The following NOXRED1 variants were observed in gnomAD, a reference collection of about 807,000 sequenced individuals.
NOXRED1 encodes NADP-dependent oxidoreductase domain-containing protein 1.
Under a neutral mutation model 30.4 loss-of-function variants are expected in NOXRED1, and 20 were observed. The ratio of observed to expected loss-of-function variants is 0.66; its 90% confidence interval spans 0.46 to 0.96. NOXRED1 has a LOEUF of 0.96. Among genes scored for constraint, NOXRED1 ranks in the 40% least tolerant of loss-of-function variants. The pLI is 0.00. For synonymous variants in NOXRED1, 155 were observed against 168.0 expected (o/e 0.92, Z 0.60); for missense variants, 374 against 428.0 (o/e 0.87, Z 1.11).
intron 2 of NOXRED1, among the ~76,000 whole-genome samples, chr14:77,412,943 G>A (rs537409129): frequency 4.0e-5 from 6 of 151,346 alleles, no homozygotes; most frequent in African/African-American, 9.7e-5. Context: ...GAAATAACCC[G>A]AGTAGATTAT....
At chr14:77,419,067 TC>T (rs1894913260) in intron 1 of NOXRED1, among the ~76,000 whole-genome samples, 1 of 143,356 alleles carries the variant, frequency 7.0e-6, no homozygotes, top group Admixed American at 7.2e-5. Flanking sequence ...GCTCTTTCTT[TC>T]TCTTTTTTTT....
rs890052341 is a variant in NOXRED1, at chr14:77,394,611, A to T, written c.*20T>A. ...AGGGAAAATCTGTGAGTGGGAAAAA[A>T]TCCTGATTCCTGAGTTCTCTTATTG... is the stretch of plus-strand genomic sequence containing the variant. On this transcript the variant is annotated 3_prime_UTR_variant, in exon 6 of 6. Transcript: ENST00000380835. The T allele has an allele frequency of 6.3e-7, 1 of 1,597,416 alleles. No individual in the cohort carries two copies. Among genetic ancestry groups the T allele is most frequent in the African/African-American group, 1.3e-5 (1 of 74,452 alleles).
At chr14:77,405,576 G>C (rs1266468536) in intron 5 of NOXRED1, among the ~76,000 whole-genome samples, 3 of 152,190 alleles carry the variant, frequency 2.0e-5, no homozygotes, top group African/African-American at 2.4e-5. Context: ...TACTAACATA[G>C]AATGGTAGCT....
intron 2 of NOXRED1, among the ~76,000 whole-genome samples, chr14:77,411,829 C>T (rs1300883045): frequency 3.3e-5 from 5 of 152,116 alleles, no homozygotes; most frequent in Non-Finnish European, 7.4e-5. Context: ...CAGTGGCTCA[C>T]GCCTGTAATC....
At chr14:77,406,632 C>G (rs113105968) in intron 4 of NOXRED1, 92 bp downstream of exon 4, 980 of 421,054 alleles carry the variant, frequency 2.3e-3, no homozygotes, top group Middle Eastern at 4.1e-3. Flanking sequence ...CACACACACA[C>G]ACAGAGAGAG....
intron 1 of NOXRED1, among the ~76,000 whole-genome samples, chr14:77,420,677 A>AGG (rs1486766007): frequency 6.6e-6 from 1 of 152,020 alleles, no homozygotes; most frequent in African/African-American, 2.4e-5. Flanking sequence ...TTTCTGCAGT[A>AGG]GTTTGTTCTT....
chr14:77,397,661 C>T lies in NOXRED1; in HGVS notation c.906-2856G>A, dbSNP rs143898772. On this transcript the variant is annotated intron_variant, in intron 5 of 5. Coordinates refer to ENST00000380835, the MANE Select transcript of NOXRED1 (RefSeq NM_001113475.3). ...CAGCACTTTGGGAGGCCAAGGCAGGCGGATCATTTGAGGTCAGGAGTTCAA... is the reference window on the plus strand; with the variant it reads ...CAGCACTTTGGGAGGCCAAGGCAGGTGGATCATTTGAGGTCAGGAGTTCAA... Among the ~76,000 whole-genome samples the T allele has an allele frequency of 8.8e-3, 1,344 of 151,958 alleles. 19 individuals carry two copies. The highest frequency in any genetic ancestry group is 0.037 in the South Asian group (180 of 4,816).
rs1177680524 is a variant in NOXRED1, at chr14:77,408,892, A to ATTTTTT, written c.350-1253_350-1248dup. ...GCATAAAAACACTCACTGGTAGTTAATTTTTTTTTTTTTTTTTTTTGGCTA... is the reference window on the plus strand; with the variant it reads ...GCATAAAAACACTCACTGGTAGTTAATTTTTTTTTTTTTTTTTTTTTTTTTTGGCTA... On this transcript the variant is annotated intron_variant, in intron 2 of 5. Transcript: ENST00000380835. Among the ~76,000 whole-genome samples the ATTTTTT allele has an allele frequency of 1.2e-3, 85 of 68,166 alleles. 11 individuals carry two copies. The highest frequency in any genetic ancestry group is 3.9e-3 in the African/African-American group (76 of 19,656). The allele number at this position is 68,166 out of a possible 152,430, so 44.7% of individuals were successfully genotyped here. A position where few individuals can be genotyped will look rare whatever the true frequency, so the allele number is the denominator to read the frequency against.
chr14:77,415,873 G>A lies in NOXRED1; in HGVS notation c.156-1746C>T, dbSNP rs568970093. ...ACAGGCGCGTGTCACCACACCCCAC[G>A]CCCAGCTAATTTTTGTATTTTTAGT... On this transcript the variant is annotated intron_variant, in intron 1 of 5. Transcript: ENST00000380835. Among the ~76,000 whole-genome samples the A allele has an allele frequency of 1.7e-4, 26 of 151,914 alleles. No individual in the cohort carries two copies. In the East Asian group the frequency reaches 3.5e-3, roughly 20 times the overall value.
At chr14:77,413,816 G>T in intron 2 of NOXRED1, 118 bp downstream of exon 2, 1 of 612,144 alleles carries the variant, frequency 1.6e-6, no homozygotes, top group Non-Finnish European at 2.6e-6. Flanking sequence ...GGGCTAGCAA[G>T]CTGAGAACTC....
intron 1 of NOXRED1, among the ~76,000 whole-genome samples, chr14:77,422,357 C>T (rs146231127): frequency 7.2e-5 from 11 of 152,268 alleles, no homozygotes; most frequent in Admixed American, 4.6e-4. Context: ...CCACTATTAC[C>T]TCAGCCCCAA....
chr14:77,413,721 G>T (rs1001212606), intron 2 of NOXRED1, among the ~76,000 whole-genome samples: 1 of 152,138 alleles, frequency 6.6e-6, no homozygotes. Flanking sequence ...GGCACAGGGA[G>T]GAGACATGGA....
chr14:77,421,587 C>T (rs61990353), intron 1 of NOXRED1, among the ~76,000 whole-genome samples: 29,015 of 152,048 alleles, frequency 0.19, 3,470 homozygotes, highest in East Asian at 0.39. Flanking sequence ...CAACTTTAAA[C>T]TACAAAAACA....
intron 2 of NOXRED1, among the ~76,000 whole-genome samples, chr14:77,411,040 T>C (rs762734458): frequency 1.3e-5 from 2 of 152,206 alleles, no homozygotes; most frequent in Non-Finnish European, 2.9e-5. Flanking sequence ...CTTATATACA[T>C]GTATTCATGG....
At chr14:77,402,005 G>C (rs1894337773) in intron 5 of NOXRED1, among the ~76,000 whole-genome samples, 1 of 152,128 alleles carries the variant, frequency 6.6e-6, no homozygotes, top group South Asian at 2.1e-4. Context: ...AATGAATCTA[G>C]ACACAAACCT....
intron 1 of NOXRED1, among the ~76,000 whole-genome samples, chr14:77,416,835 AC>A (rs527982798): frequency 3.0e-4 from 45 of 148,716 alleles, no homozygotes; most frequent in South Asian, 1.1e-3. Flanking sequence ...CGGGGGGCTG[AC>A]CCCCCCACCT....
rs1008851006 is a variant in NOXRED1, at chr14:77,407,502, T to C, written c.493A>G (p.Ile165Val). The C allele has an allele frequency of 6.2e-7, 1 of 1,614,148 alleles. No homozygotes were observed. The highest frequency in any genetic ancestry group is 1.7e-5 in the Admixed American group (1 of 60,016). The change falls in exon 3 of 6, where the codon ATT becomes GTT. Residue 165 changes from isoleucine to valine, a missense_variant. Transcript: ENST00000380835. ...ATGGCAGCTACAAAGCTGTACACAATGCTGGCCTTCTCAAGGCTGGTGTAA... is the reference window on the plus strand; with the variant it reads ...ATGGCAGCTACAAAGCTGTACACAACGCTGGCCTTCTCAAGGCTGGTGTAA... ...EIYTSLEKAS[I>V]VYSFVAAIPL...
At chr14:77,413,703 C>T (rs545156507) in intron 2 of NOXRED1, among the ~76,000 whole-genome samples, 21 of 152,206 alleles carry the variant, frequency 1.4e-4, no homozygotes, top group African/African-American at 5.1e-4. Flanking sequence ...AGATACTTCA[C>T]CACCAAGGGC....
intron 1 of NOXRED1, among the ~76,000 whole-genome samples, chr14:77,419,068 CTCT>C (rs1343060773): frequency 6.4e-5 from 9 of 140,112 alleles, no homozygotes; most frequent in African/African-American, 1.6e-4. Flanking sequence ...CTCTTTCTTT[CTCT>C]TTTTTTTTTT....
Sources: allele counts gnomAD v4.1 joint callset (sites outside exome capture counted in the v4.1 genomes callset), GRCh38; gene constraint gnomAD v4.1.1; transcripts MANE v1.5; gene names NCBI Gene and HGNC (gene_info 2026-07-23, HGNC 2026-07-21).